The following SFXN1 variants were observed in gnomAD, a reference collection of about 807,000 sequenced individuals.
SFXN1 encodes the protein sideroflexin 1.
SFXN1 carries 32 observed loss-of-function variants against 39.5 expected under a neutral mutation model. The observed-to-expected ratio is 0.81, with a 90% CI of 0.61 to 1.09. The LOEUF is 1.09. SFXN1 is among the 50% of genes least tolerant of loss of function. The pLI is 0.00. For synonymous variants in SFXN1, 136 were observed against 146.5 expected, an observed-to-expected ratio of 0.93 and a Z score of 0.52; for missense variants, 402 against 407.1, an observed-to-expected ratio of 0.99 and a Z score of 0.11.
At chr5:175,495,930 C>T (rs1381246636) in intron 2 of SFXN1, among the ~76,000 whole-genome samples, 4 of 141,034 alleles carry the variant, frequency 2.8e-5, no homozygotes, top group African/African-American at 7.8e-5. Context: ...GACGGAGTTT[C>T]GCTCTTGTTG....
rs753529247 is a variant in SFXN1 at position 175,513,527 on chromosome 5, G to T, written c.661G>T (p.Ala221Ser). 4.3e-6 allele frequency: 7 copies of T among 1,613,796 alleles called. No individual in the cohort carries two copies. The African/African-American group carries it at 6.7e-5, about 15-fold the overall frequency. Residue 221 changes from alanine to serine, a missense_variant, in exon 7 of 11, where the codon GCT becomes TCT. Coordinates refer to ENST00000321442, the MANE Select transcript of SFXN1 (RefSeq NM_022754.7). ...NGNRLGESAN[A>S]AKQAITQVVV... ...GAACCGCTTGGGGGAGTCGGCGAAC[G>T]CTGCGAAACAAGCCATCACGCAAGT...
rs1330145586 is a variant in SFXN1, at chr5:175,485,797, A to G, written c.-9-6298A>G. ...TTCGGTGGGTTTAACTGGAGTGTGC[A>G]GATAAGTAGTTGGCGTCAAGAACTC... is the stretch of plus-strand genomic sequence containing the variant. On this transcript the variant is annotated intron_variant, in intron 1 of 10. Coordinates refer to ENST00000321442, the MANE Select transcript of SFXN1 (RefSeq NM_022754.7). 3.9e-5 allele frequency among the ~76,000 whole-genome samples: 6 copies of G among 152,340 alleles called. No homozygotes were observed. The East Asian group carries it at 1.2e-3, about 29-fold the overall frequency.
chr5:175,480,002 A>G (rs887089410), intron 1 of SFXN1, among the ~76,000 whole-genome samples: 5 of 152,154 alleles, frequency 3.3e-5, no homozygotes, highest in African/African-American at 1.2e-4. Context: ...ATAAAAGATG[A>G]GAGGGAACTG....
intron 1 of SFXN1, chr5:175,483,700 CT>C (rs1363407816): frequency 1.4e-5 from 2 of 147,580 alleles, no homozygotes; most frequent in African/African-American, 2.7e-5. Flanking sequence ...CTAATAACTG[CT>C]CAGTAAGCGC....
At chr5:175,518,993 T>G (rs1760798800) in intron 8 of SFXN1, among the ~76,000 whole-genome samples, 2 of 152,166 alleles carry the variant, frequency 1.3e-5, no homozygotes, top group African/African-American at 4.8e-5. Flanking sequence ...GGCACGTATG[T>G]GATAAAGGAC....
intron 1 of SFXN1, chr5:175,484,026 G>A (rs13180272): frequency 0.075 from 11,463 of 152,270 alleles, 701 homozygotes; most frequent in African/African-American, 0.17. Context: ...CAGTGGGAAC[G>A]CAAACATCTT....
intron 2 of SFXN1, among the ~76,000 whole-genome samples, chr5:175,493,460 G>A (rs1759739874): frequency 6.6e-6 from 1 of 152,126 alleles, no homozygotes; most frequent in Non-Finnish European, 1.5e-5. Flanking sequence ...GAGAACCGAC[G>A]ACAGTCAATA....
At chr5:175,520,208 CAT>C (rs989828012) in intron 8 of SFXN1, among the ~76,000 whole-genome samples, 91 of 150,640 alleles carry the variant, frequency 6.0e-4, no homozygotes, top group South Asian at 2.7e-3. Context: ...TATATATGTA[CAT>C]ATATATATAT....
At chr5:175,519,810 A>G (rs1460726293) in intron 8 of SFXN1, among the ~76,000 whole-genome samples, 6 of 149,896 alleles carry the variant, frequency 4.0e-5, no homozygotes, top group African/African-American at 1.2e-4. Context: ...TAAAGCTATT[A>G]GATCACTGGG....
At chr5:175,516,752 AAAG>A in intron 8 of SFXN1, 89 bp downstream of exon 8, 1 of 1,351,948 alleles carries the variant, frequency 7.4e-7, no homozygotes, top group South Asian at 1.3e-5. Context: ...CCTAAACAGT[AAAG>A]AAGCCGAAGG....
intron 10 of SFXN1, 62 bp downstream of exon 10, chr5:175,522,484 G>T (rs559890515): frequency 2.0e-6 from 3 of 1,504,478 alleles, no homozygotes; most frequent in East Asian, 2.3e-5. Flanking sequence ...AATTGAAGGT[G>T]CAGGTGCCAT....
chr5:175,486,038 C>T (rs778702104), intron 1 of SFXN1, among the ~76,000 whole-genome samples: 1 of 152,204 alleles, frequency 6.6e-6, no homozygotes, highest in Non-Finnish European at 1.5e-5. Context: ...CCCTCTCCCT[C>T]TCTCTCCTTT....
chr5:175,495,094 TC>T (rs1162998472), intron 2 of SFXN1, among the ~76,000 whole-genome samples: 2 of 152,196 alleles, frequency 1.3e-5, no homozygotes, highest in Non-Finnish European at 2.9e-5. Context: ...TACAGTGGAA[TC>T]CCATACAATG....
At chr5:175,491,693 TC>T in intron 1 of SFXN1, 1 of 155,816 alleles carries the variant, frequency 6.4e-6, no homozygotes. Flanking sequence ...TGCCGTGTTG[TC>T]CAGGCTGGTC....
chr5:175,512,276 T>G, intron 6 of SFXN1, 80 bp downstream of exon 6: 1 of 1,252,036 alleles, frequency 8.0e-7, no homozygotes, highest in Non-Finnish European at 1.2e-6. Context: ...GTTGAAACTT[T>G]CAAATGCTTG....
intron 8 of SFXN1, 80 bp from the exon 9 acceptor site, chr5:175,521,839 G>T (rs998424923): frequency 5.4e-6 from 6 of 1,121,456 alleles, no homozygotes; most frequent in Non-Finnish European, 7.7e-6. Flanking sequence ...GTGGTGAGAG[G>T]TTCCTTCCAG....
intron 1 of SFXN1, among the ~76,000 whole-genome samples, chr5:175,482,155 C>G (rs1759277081): frequency 6.6e-6 from 1 of 152,192 alleles, no homozygotes; most frequent in African/African-American, 2.4e-5. Context: ...TCTGGGTGTT[C>G]CGTCATGTCC....
intron 1 of SFXN1, among the ~76,000 whole-genome samples, chr5:175,490,752 T>C (rs1236729477): frequency 1.3e-5 from 2 of 152,152 alleles, no homozygotes; most frequent in African/African-American, 4.8e-5. Flanking sequence ...GGATAAGCAT[T>C]ATATGTCATG....
intron 5 of SFXN1, among the ~76,000 whole-genome samples, chr5:175,511,748 G>A (rs1760523821): frequency 6.6e-6 from 1 of 151,662 alleles, no homozygotes; most frequent in Non-Finnish European, 1.5e-5. Flanking sequence ...CTCTGTGTAC[G>A]AAGTGCTAAA....
Sources: allele counts gnomAD v4.1 joint callset (sites outside exome capture counted in the v4.1 genomes callset), GRCh38; gene constraint gnomAD v4.1.1; transcripts MANE v1.5; gene names NCBI Gene and HGNC (gene_info 2026-07-23, HGNC 2026-07-21).